CETN1: variants seen among roughly 807,000 people sequenced by gnomAD.
The protein encoded by CETN1 is centrin 1, also known as centrin-1.
A neutral mutation model predicts 8.1 loss-of-function variants in CETN1; 6 were observed. The observed-to-expected ratio is 0.74, with a 90% CI of 0.40 to 1.46. CETN1 has a LOEUF of 1.46. CETN1 is among the 40% of genes most tolerant of loss of function. The pLI, the probability that CETN1 is intolerant of heterozygous loss-of-function variation, is 0.02. For missense variants in CETN1, 215 were observed against 226.2 expected (o/e 0.95, Z 0.32); for synonymous variants, 99 against 90.3 (o/e 1.10, Z -0.55).
chr18:580,665 T>TC lies in CETN1; in HGVS notation c.258dup (p.Asn87GlnfsTer2). The TC allele has an allele frequency of 6.2e-7, 1 of 1,613,972 alleles. No homozygotes were observed. ...AGGGAAGGCACGGGGAAGATCAGCT[T>TC]CAATGACTTCCTGGCCGTGATGACG... On this transcript the variant is annotated frameshift_variant, in exon 1 of 1. Coordinates refer to ENST00000327228, the MANE Select transcript of CETN1 (RefSeq NM_004066.3). LOFTEE classifies it high-confidence loss of function. The surrounding 1 kb of genome is among the most constrained non-coding windows in gnomAD (Gnocchi z 6.1).
Position 582,027 on chromosome 18 carries a change from TATC to T in CETN1, c.*1106_*1108del, listed in dbSNP as rs2072552779. 2.4e-5 allele frequency: 4 copies of T among 166,340 alleles called. No individual in the cohort carries two copies. The highest frequency in any genetic ancestry group is 4.1e-4 in the South Asian group (2 of 4,836). The allele number at this position is 166,340 out of a possible 1,614,324, so 10.3% of individuals were successfully genotyped here. A position where few individuals can be genotyped will look rare whatever the true frequency, so the allele number is the denominator to read the frequency against. ...AATTATTTTTTGCTTTGGAGTAAGATATCATCATTTTGCATAGCTACAAATCTG... is the reference window on the plus strand; with the variant it reads ...AATTATTTTTTGCTTTGGAGTAAGATATCATTTTGCATAGCTACAAATCTG... On this transcript the variant is annotated 3_prime_UTR_variant, in exon 1 of 1. Transcript: ENST00000327228.
At position 580,391 on chromosome 18, in the gene CETN1, G is replaced by T; in HGVS notation, c.-18G>T. On this transcript the variant is annotated 5_prime_UTR_variant, in exon 1 of 1. Coordinates refer to ENST00000327228, the MANE Select transcript of CETN1 (RefSeq NM_004066.3). This position sits in a 1 kb window ranked among gnomAD's most constrained non-coding sequence, Gnocchi z 6.1. ...CGCGGGGCGGTGCCGTTGGGACCAC[G>T]GCGGCCAGAGCGGCAGGATGGCTTC... 1.9e-6 allele frequency: 3 copies of T among 1,554,000 alleles called. No individual in the cohort carries two copies. The highest frequency in any genetic ancestry group is 1.2e-5 in the South Asian group (1 of 84,460).
rs1451601718 is a variant in CETN1, at chr18:581,016, AC to A, written c.*94del. On this transcript the variant is annotated 3_prime_UTR_variant, in exon 1 of 1. Coordinates refer to ENST00000327228, the MANE Select transcript of CETN1 (RefSeq NM_004066.3). ...GACAGCGGCTGCCTGTCCCTTCTTC[AC>A]CCCCTCACCCCCATAATTTGTCTAG... 1.5e-6 allele frequency: 2 copies of A among 1,299,260 alleles called. No individual in the cohort carries two copies. The highest frequency in any genetic ancestry group is 1.5e-5 in the South Asian group (1 of 68,182). The allele number at this position is 1,299,260 out of a possible 1,614,324, so 80.5% of individuals were successfully genotyped here.
Position 580,430 on chromosome 18 carries a change from C to A in CETN1, c.22C>A (p.Pro8Thr), listed in dbSNP as rs755463067. The A allele has an allele frequency of 1.6e-5, 25 of 1,573,704 alleles. No homozygotes were observed. The highest frequency in any genetic ancestry group is 2.1e-5 in the Non-Finnish European group (25 of 1,163,072). Residue 8 changes from proline (P) to threonine (T), a missense_variant, in exon 1 of 1, where the codon CCC becomes ACC. Physicochemically the swap from Pro to Thr is conservative, Grantham distance 38. Transcript: ENST00000327228. The surrounding 1 kb of genome is among the most constrained non-coding windows in gnomAD (Gnocchi z 6.1). MASGFKKPSAASTGQKRK... is the reference protein window; with the variant it reads MASGFKKTSAASTGQKRK... Reference sequence around the variant, plus strand: ...CAGGATGGCTTCCGGCTTCAAGAAGCCCAGCGCTGCCTCCACCGGCCAAAA... The same window carrying A: ...CAGGATGGCTTCCGGCTTCAAGAAGACCAGCGCTGCCTCCACCGGCCAAAA...
Position 580,836 on chromosome 18 carries a change from A to G in CETN1, c.428A>G (p.Gln143Arg), listed in dbSNP as rs2072546270. 4 of 1,614,000 alleles carry G rather than the reference A, an allele frequency of 2.5e-6. No individual in the cohort carries two copies. Among genetic ancestry groups the G allele is most frequent in the South Asian group, 1.1e-5 (1 of 91,074 alleles). The part of the protein sequence containing the change: ...LGENLTDEEL[Q>R]EMIDEADRDG... Reference sequence around the variant, plus strand: ...GAGAACCTCACGGATGAGGAGCTGCAGGAGATGATCGACGAAGCTGATCGG... The same window carrying G: ...GAGAACCTCACGGATGAGGAGCTGCGGGAGATGATCGACGAAGCTGATCGG... The change falls in exon 1 of 1, where the codon CAG (glutamine) becomes CGG (arginine). Residue 143 changes from glutamine to arginine, a missense_variant. Coordinates refer to ENST00000327228, the MANE Select transcript of CETN1 (RefSeq NM_004066.3). This position sits in a 1 kb window ranked among gnomAD's most constrained non-coding sequence, Gnocchi z 6.1.
chr18:580,792 T>A lies in CETN1; in HGVS notation c.384T>A (p.Arg128=), dbSNP rs745732458. ...TGKISFKNLK[R]VANELGENLT... ...AGATCTCGTTCAAAAACCTGAAGCG[T>A]GTGGCCAACGAGCTGGGGGAGAACC... The change falls in exon 1 of 1, where the codon CGT becomes CGA. Residue 128 remains arginine (R), a synonymous_variant. Coordinates refer to ENST00000327228, the MANE Select transcript of CETN1 (RefSeq NM_004066.3). The surrounding 1 kb of genome is among the most constrained non-coding windows in gnomAD (Gnocchi z 6.1). 2.4e-5 allele frequency: 39 copies of A among 1,613,632 alleles called. 1 individual carries two copies. The South Asian group carries it at 4.3e-4, about 18-fold the overall frequency.
chr18:580,940 A>T lies in CETN1; in HGVS notation c.*13A>T. The T allele has an allele frequency of 6.3e-7, 1 of 1,593,830 alleles. No individual in the cohort carries two copies. The highest frequency in any genetic ancestry group is 8.6e-7 in the Non-Finnish European group (1 of 1,168,650). On this transcript the variant is annotated 3_prime_UTR_variant, in exon 1 of 1. Transcript: ENST00000327228. This position sits in a 1 kb window ranked among gnomAD's most constrained non-coding sequence, Gnocchi z 6.1. ...CAGCCTTTACTGAAGTCGGTTCAGA[A>T]GCTAAAGTGACTCTCTGGGTTGCCT... is the stretch of plus-strand genomic sequence containing the variant.
rs2072548414 is a variant in CETN1 at position 581,197 on chromosome 18, T to G, written c.*270T>G. 1.1e-5 allele frequency: 4 copies of G among 348,668 alleles called. No homozygotes were observed. The highest frequency in any genetic ancestry group is 2.1e-5 in the Non-Finnish European group (4 of 191,178). The allele number at this position is 348,668 out of a possible 1,614,324, so 21.6% of individuals were successfully genotyped here. A position where few individuals can be genotyped will look rare whatever the true frequency, so the allele number is the denominator to read the frequency against. On this transcript the variant is annotated 3_prime_UTR_variant, in exon 1 of 1. Coordinates refer to ENST00000327228, the MANE Select transcript of CETN1 (RefSeq NM_004066.3). ...GCCCTCCATTTGCCCTGTGCTGAAC[T>G]TGCTGTTCATCTGTTGATCTGGAGG...
chr18:581,046 T>C lies in CETN1; in HGVS notation c.*119T>C. On this transcript the variant is annotated 3_prime_UTR_variant, in exon 1 of 1. Coordinates refer to ENST00000327228, the MANE Select transcript of CETN1 (RefSeq NM_004066.3). Reference sequence around the variant, plus strand: ...CTCACCCCCATAATTTGTCTAGATCTATTTCCATATCTCTAGTTCAATAAT... The same window carrying C: ...CTCACCCCCATAATTTGTCTAGATCCATTTCCATATCTCTAGTTCAATAAT... 1 of 1,014,308 alleles carries C rather than the reference T, an allele frequency of 9.9e-7. No homozygotes were observed. The allele number at this position is 1,014,308 out of a possible 1,614,324, so 62.8% of individuals were successfully genotyped here. A position where few individuals can be genotyped will look rare whatever the true frequency, so the allele number is the denominator to read the frequency against.
rs1435269652 is a variant in CETN1 at position 580,631 on chromosome 18, G to A, written c.223G>A (p.Glu75Lys). 1 of 1,614,124 alleles carries A rather than the reference G, an allele frequency of 6.2e-7. No homozygotes were observed. The highest frequency in any genetic ancestry group is 8.5e-7 in the Non-Finnish European group (1 of 1,180,018). ...GGAAGAGATGAAGAAAATGATCTCCGAGGTGGACAGGGAAGGCACGGGGAA... is the reference window on the plus strand; with the variant it reads ...GGAAGAGATGAAGAAAATGATCTCCAAGGTGGACAGGGAAGGCACGGGGAA... ...RKEEMKKMIS[E>K]VDREGTGKIS... Residue 75 changes from glutamate to lysine, a missense_variant, in exon 1 of 1, where the codon GAG becomes AAG. Coordinates refer to ENST00000327228, the MANE Select transcript of CETN1 (RefSeq NM_004066.3). This position sits in a 1 kb window ranked among gnomAD's most constrained non-coding sequence, Gnocchi z 6.1.
In CETN1 at chr18:580,595, G is replaced by A. The variant is rs2072544219; in HGVS notation, c.187G>A (p.Glu63Lys). The A allele has an allele frequency of 6.2e-7, 1 of 1,613,188 alleles. No individual in the cohort carries two copies. Among genetic ancestry groups the A allele is most frequent in the Non-Finnish European group, 8.5e-7 (1 of 1,179,144 alleles). The change falls in exon 1 of 1, where the codon GAA becomes AAA. Residue 63 changes from glutamate (E) to lysine (K), a missense_variant. Physicochemically the swap from Glu to Lys is moderately conservative, Grantham distance 56. Transcript: ENST00000327228. The surrounding 1 kb of genome is among the most constrained non-coding windows in gnomAD (Gnocchi z 6.1). ...GGTGGCCATGAGAGCGCTGGGCTTC[G>A]AACCCAGGAAGGAAGAGATGAAGAA... ...LKVAMRALGFEPRKEEMKKMI... is the reference protein window; with the variant it reads ...LKVAMRALGFKPRKEEMKKMI...
chr18:580,871 G>A lies in CETN1; in HGVS notation c.463G>A (p.Gly155Ser), dbSNP rs781114620. 4.2e-5 allele frequency: 68 copies of A among 1,613,882 alleles called. 1 individual carries two copies. Among genetic ancestry groups the A allele is most frequent in the Non-Finnish European group, 5.4e-5 (64 of 1,179,986 alleles). The change falls in exon 1 of 1, where the codon GGC becomes AGC. Residue 155 changes from glycine to serine, a missense_variant. Physicochemically the swap from Gly to Ser is moderately conservative, Grantham distance 56 (BLOSUM62 0). Transcript: ENST00000327228. The surrounding 1 kb of genome is among the most constrained non-coding windows in gnomAD (Gnocchi z 6.1). Reference protein sequence around the residue: ...MIDEADRDGDGEVNEEEFLRI... With the variant: ...MIDEADRDGDSEVNEEEFLRI... ...CGACGAAGCTGATCGGGATGGGGAC[G>A]GCGAAGTGAACGAGGAGGAGTTCCT...
chr18:580,508 C>T lies in CETN1; in HGVS notation c.100C>T (p.Arg34Trp), dbSNP rs760929013. The T allele has an allele frequency of 1.9e-6, 3 of 1,614,144 alleles. No homozygotes were observed. Among genetic ancestry groups the T allele is most frequent in the African/African-American group, 1.3e-5 (1 of 75,038 alleles). The part of the protein sequence containing the change: ...ELTEDQKQEV[R>W]EAFDLFDVDG... Reference sequence around the variant, plus strand: ...CACTGAGGATCAGAAGCAAGAAGTTCGGGAAGCATTTGACCTCTTCGACGT... The same window carrying T: ...CACTGAGGATCAGAAGCAAGAAGTTTGGGAAGCATTTGACCTCTTCGACGT... Residue 34 changes from arginine to tryptophan, a missense_variant, in exon 1 of 1, where the codon CGG (arginine) becomes TGG (tryptophan). Physicochemically the swap from Arg to Trp is moderately radical, Grantham distance 101. Transcript: ENST00000327228. The surrounding 1 kb of genome is among the most constrained non-coding windows in gnomAD (Gnocchi z 6.1).
chr18:581,719 C>T lies in CETN1; in HGVS notation c.*792C>T, dbSNP rs1335133769. ...TAGTTTAGGAAATTATAACAAATACCTTAATATAACATTTTAAGCTACTTA... is the reference window on the plus strand; with the variant it reads ...TAGTTTAGGAAATTATAACAAATACTTTAATATAACATTTTAAGCTACTTA... On this transcript the variant is annotated 3_prime_UTR_variant, in exon 1 of 1. Coordinates refer to ENST00000327228, the MANE Select transcript of CETN1 (RefSeq NM_004066.3). 1 of 166,340 alleles carries T rather than the reference C, an allele frequency of 6.0e-6. No individual in the cohort carries two copies. Among genetic ancestry groups the T allele is most frequent in the African/African-American group, 2.4e-5 (1 of 41,422 alleles). 10.3% of individuals were successfully genotyped at this position (166,340 alleles called of 1,614,324 possible).
chr18:581,032 A>C lies in CETN1; in HGVS notation c.*105A>C, dbSNP rs2072547635. 3 of 1,189,976 alleles carry C rather than the reference A, an allele frequency of 2.5e-6. No homozygotes were observed. The East Asian group carries it at 7.1e-5, about 28-fold the overall frequency. The allele number at this position is 1,189,976 out of a possible 1,614,324, so 73.7% of individuals were successfully genotyped here. A position where few individuals can be genotyped will look rare whatever the true frequency, so the allele number is the denominator to read the frequency against. On this transcript the variant is annotated 3_prime_UTR_variant, in exon 1 of 1. Coordinates refer to ENST00000327228, the MANE Select transcript of CETN1 (RefSeq NM_004066.3). ...CCCTTCTTCACCCCCTCACCCCCATAATTTGTCTAGATCTATTTCCATATC... is the reference window on the plus strand; with the variant it reads ...CCCTTCTTCACCCCCTCACCCCCATCATTTGTCTAGATCTATTTCCATATC...
Position 580,546 on chromosome 18 carries a change from G to A in CETN1, c.138G>A (p.Gly46=), listed in dbSNP as rs778181530. The A allele has an allele frequency of 3.7e-6, 6 of 1,614,078 alleles. No homozygotes were observed. The East Asian group carries it at 1.1e-4, about 30-fold the overall frequency. ...AFDLFDVDGS[G]TIDAKELKVA... ...ACCTCTTCGACGTGGACGGAAGTGG[G>A]ACCATCGACGCGAAGGAGCTGAAGG... The change falls in exon 1 of 1, where the codon GGG becomes GGA. Residue 46 remains glycine, a synonymous_variant. Coordinates refer to ENST00000327228, the MANE Select transcript of CETN1 (RefSeq NM_004066.3). The surrounding 1 kb of genome is among the most constrained non-coding windows in gnomAD (Gnocchi z 6.1).
chr18:581,288 A>C lies in CETN1; in HGVS notation c.*361A>C, dbSNP rs972642834. 5.1e-6 allele frequency: 1 copy of C among 197,930 alleles called. No homozygotes were observed. Among genetic ancestry groups the C allele is most frequent in the Non-Finnish European group, 1.1e-5 (1 of 87,882 alleles). The allele number at this position is 197,930 out of a possible 1,614,324, so 12.3% of individuals were successfully genotyped here. A position where few individuals can be genotyped will look rare whatever the true frequency, so the allele number is the denominator to read the frequency against. Reference sequence around the variant, plus strand: ...GTCACTTCTTTGGTGGTCTTAAATTATCTTGCTTCATATATCATTCCTTAA... The same window carrying C: ...GTCACTTCTTTGGTGGTCTTAAATTCTCTTGCTTCATATATCATTCCTTAA... On this transcript the variant is annotated 3_prime_UTR_variant, in exon 1 of 1. Transcript: ENST00000327228.
At position 580,663 on chromosome 18, in the gene CETN1, C is replaced by T. The variant is rs1009976542; in HGVS notation, c.255C>T (p.Ser85=). ...EVDREGTGKI[S]FNDFLAVMTQ... ...ACAGGGAAGGCACGGGGAAGATCAG[C>T]TTCAATGACTTCCTGGCCGTGATGA... The change falls in exon 1 of 1, where the codon AGC becomes AGT. Residue 85 remains serine (S), a synonymous_variant. Coordinates refer to ENST00000327228, the MANE Select transcript of CETN1 (RefSeq NM_004066.3). The surrounding 1 kb of genome is among the most constrained non-coding windows in gnomAD (Gnocchi z 6.1). The T allele has an allele frequency of 2.5e-6, 4 of 1,613,998 alleles. No individual in the cohort carries two copies. The highest frequency in any genetic ancestry group is 1.6e-4 in the Middle Eastern group (1 of 6,062).
In CETN1 at chr18:580,380, G is replaced by A. The variant is rs748568919; in HGVS notation, c.-29G>A. 17 of 1,541,966 alleles carry A rather than the reference G, an allele frequency of 1.1e-5. No homozygotes were observed. In the East Asian group the frequency reaches 3.6e-4, roughly 33 times the overall value. ...CCGAATGAGAGCGCGGGGCGGTGCC[G>A]TTGGGACCACGGCGGCCAGAGCGGC... On this transcript the variant is annotated 5_prime_UTR_variant, in exon 1 of 1. Coordinates refer to ENST00000327228, the MANE Select transcript of CETN1 (RefSeq NM_004066.3). This position sits in a 1 kb window ranked among gnomAD's most constrained non-coding sequence, Gnocchi z 6.1.
Sources: gnomAD v4.1 joint callset for allele counts on GRCh38, gnomAD v4.1.1 for gene constraint, Gnocchi (gnomAD v3.1) non-coding constraint, MANE v1.5 for transcripts, NCBI Gene and HGNC (gene_info 2026-07-23, HGNC 2026-07-21) for gene names.